The following PLA2G7 variants were observed in gnomAD, a reference collection of about 807,000 sequenced individuals.
The protein encoded by PLA2G7 is phospholipase A2 group VII.
PLA2G7 carries 63 observed loss-of-function variants against 49.6 expected under a neutral mutation model. That is an observed-to-expected ratio of 1.27 (90% CI 1.04 to 1.57). The LOEUF is 1.57. Among genes scored for constraint, PLA2G7 ranks in the 40% most tolerant of loss-of-function variants. The pLI, the probability that PLA2G7 is intolerant of heterozygous loss-of-function variation, is 0.00. For synonymous variants in PLA2G7, 193 were observed against 169.9 expected, an observed-to-expected ratio of 1.14 and a Z score of -1.06; for missense variants, 596 against 521.2, an observed-to-expected ratio of 1.14 and a Z score of -1.40.
chr6:46,711,278 A>G (rs190582380), intron 7 of PLA2G7, among the ~76,000 whole-genome samples: 7 of 152,166 alleles, frequency 4.6e-5, no homozygotes, highest in Admixed American at 3.3e-4. Flanking sequence ...ATTCACTGTC[A>G]TCTCCCAAAT....
At position 46,716,447 on chromosome 6, in the gene PLA2G7, A is replaced by C. The variant is rs775138182; in HGVS notation, c.313T>G (p.Trp105Gly). Reference protein sequence around the residue: ...TLWIPNKEYFWGLSKFLGTHW... With the variant: ...TLWIPNKEYFGGLSKFLGTHW... The stretch of plus-strand genomic sequence containing the variant: ...GTTCCAAGAAATTTGCTAAGACCCC[A>C]AAAATATTCTTTATTTGGGATCCAA... Residue 105 changes from tryptophan to glycine, a missense_variant, in exon 4 of 12, where the codon TGG becomes GGG. Trp to Gly is a radical substitution (Grantham distance 184, BLOSUM62 -2). Coordinates refer to ENST00000274793, the MANE Select transcript of PLA2G7 (RefSeq NM_005084.4). 18 of 1,613,882 alleles carry C rather than the reference A, an allele frequency of 1.1e-5. No individual in the cohort carries two copies. Among genetic ancestry groups the C allele is most frequent in the South Asian group, 8.8e-5 (8 of 91,086 alleles).
At chr6:46,713,606 C>A in intron 5 of PLA2G7, among the ~76,000 whole-genome samples, 1 of 152,196 alleles carries the variant, frequency 6.6e-6, no homozygotes, top group South Asian at 2.1e-4. Flanking sequence ...GCAAGTGCTA[C>A]CCAACTTCTT....
chr6:46,711,681 T>A, intron 6 of PLA2G7, 62 bp from the exon 7 acceptor site: 2 of 1,560,198 alleles, frequency 1.3e-6, no homozygotes, highest in Non-Finnish European at 1.8e-6. Context: ...TGACCCATGT[T>A]TCTCAGTTCC....
chr6:46,716,898 T>C lies in PLA2G7; in HGVS notation c.231+77A>G, dbSNP rs45462091. 841 of 1,459,098 alleles carry C rather than the reference T, an allele frequency of 5.8e-4. 2 individuals carry two copies. The African/African-American group carries it at 1.0e-2, about 17-fold the overall frequency. The allele number at this position is 1,459,098 out of a possible 1,614,324, so 90.4% of individuals were successfully genotyped here. A position where few individuals can be genotyped will look rare whatever the true frequency, so the allele number is the denominator to read the frequency against. On this transcript the variant is annotated intron_variant, in intron 3 of 11. Coordinates refer to ENST00000274793, the MANE Select transcript of PLA2G7 (RefSeq NM_005084.4). ...ATTCTCAGGTGAGGGCAAGGTCACA[T>C]TTGAACACCTTCTAGTGGTCCATAG...
chr6:46,709,282 TC>T, intron 9 of PLA2G7, 44 bp downstream of exon 9: 5 of 1,055,818 alleles, frequency 4.7e-6, no homozygotes, highest in Non-Finnish European at 7.4e-6. Flanking sequence ...TATAATTTCT[TC>T]CAATAATTTA....
intron 2 of PLA2G7, among the ~76,000 whole-genome samples, chr6:46,718,494 C>A (rs996370462): frequency 5.3e-5 from 8 of 152,192 alleles, no homozygotes; most frequent in African/African-American, 1.9e-4. Context: ...AGGCCCATTG[C>A]CTCATACTCT....
In PLA2G7 at chr6:46,704,432, A is replaced by G; in HGVS notation, c.*128T>C. On this transcript the variant is annotated 3_prime_UTR_variant, in exon 12 of 12. Transcript: ENST00000274793. ...TAAAATATGAGTCCTTTGGGAAAAT[A>G]CATTAAAATTCTCTCTCTCTCTCTC... 1.4e-6 allele frequency: 1 copy of G among 704,176 alleles called. No individual in the cohort carries two copies. The allele number at this position is 704,176 out of a possible 1,614,324, so 43.6% of individuals were successfully genotyped here.
rs572427157 is a variant in PLA2G7 at position 46,709,270 on chromosome 6, A to C, written c.869+57T>G. ...ATTTGAATAAAAAATTATATCTCAC[A>C]ATATAATTTCTTCCAATAATTTACT... On this transcript the variant is annotated intron_variant, in intron 9 of 11. Coordinates refer to ENST00000274793, the MANE Select transcript of PLA2G7 (RefSeq NM_005084.4). The C allele has an allele frequency of 5.7e-5, 56 of 976,302 alleles. No homozygotes were observed. In the East Asian group the frequency reaches 1.3e-3, roughly 24 times the overall value. The allele number at this position is 976,302 out of a possible 1,614,324, so 60.5% of individuals were successfully genotyped here.
At chr6:46,708,302 A>C in intron 9 of PLA2G7, 141 bp from the exon 10 acceptor site, 1 of 723,894 alleles carries the variant, frequency 1.4e-6, no homozygotes, top group Non-Finnish European at 2.5e-6. Context: ...AAGAGGTATC[A>C]TACTTCAATG....
Position 46,709,426 on chromosome 6 carries a change from A to G in PLA2G7, c.778-8T>C, listed in dbSNP as rs752306664. 1.4e-6 allele frequency: 2 copies of G among 1,441,130 alleles called. No individual in the cohort carries two copies. Among genetic ancestry groups the G allele is most frequent in the Non-Finnish European group, 9.8e-7 (1 of 1,022,794 alleles). The allele number at this position is 1,441,130 out of a possible 1,614,324, so 89.3% of individuals were successfully genotyped here. ...TTCCCTATCAATAGAGTCCTATTTG[A>G]AAAAGCATGATATAAATTTATAGCT... On this transcript the variant is annotated splice_region_variant and splice_polypyrimidine_tract_variant and intron_variant, in intron 8 of 11. Coordinates refer to ENST00000274793, the MANE Select transcript of PLA2G7 (RefSeq NM_005084.4).
chr6:46,707,408 T>G (rs1025313798), intron 10 of PLA2G7, among the ~76,000 whole-genome samples: 1 of 152,218 alleles, frequency 6.6e-6, no homozygotes, highest in Admixed American at 6.5e-5. Flanking sequence ...CATGTCAAAT[T>G]GGAATCCCCA....
intron 2 of PLA2G7, among the ~76,000 whole-genome samples, chr6:46,720,097 C>G (rs1160141958): frequency 6.6e-6 from 1 of 152,168 alleles, no homozygotes; most frequent in Non-Finnish European, 1.5e-5. Flanking sequence ...TGGTAAGCAG[C>G]CTGGTGCTAC....
At chr6:46,714,714 C>A (rs892673157) in intron 4 of PLA2G7, among the ~76,000 whole-genome samples, 161 bp from the exon 5 acceptor site, 2 of 146,466 alleles carry the variant, frequency 1.4e-5, no homozygotes, top group African/African-American at 2.6e-5. Flanking sequence ...AGATACCCAC[C>A]AACCAAAGAG....
chr6:46,713,888 C>G lies in PLA2G7; in HGVS notation c.470+572G>C, dbSNP rs45492493. ...GCACAGCATGGGTACTAACATTAGC[C>G]CATTCCTATGAGATACAGGACTCTT... On this transcript the variant is annotated intron_variant, in intron 5 of 11. Transcript: ENST00000274793. Among the ~76,000 whole-genome samples, 436 of 152,278 alleles carry G rather than the reference C, an allele frequency of 2.9e-3. 1 individual carries two copies. The highest frequency in any genetic ancestry group is 0.01 in the African/African-American group (418 of 41,536).
At chr6:46,726,374 C>T (rs904426376) in intron 1 of PLA2G7, among the ~76,000 whole-genome samples, 2 of 152,194 alleles carry the variant, frequency 1.3e-5, no homozygotes, top group Non-Finnish European at 2.9e-5. Context: ...TGAATATGAA[C>T]ACACAGGAAT....
In PLA2G7 at chr6:46,704,478, TCACA is replaced by T. The variant is rs367858800; in HGVS notation, c.*78_*81del. ...CTCTCTCTCTCTCTCTCTCTCTCTCTCACACACACACACACACACACACACACAC... is the reference window on the plus strand; with the variant it reads ...CTCTCTCTCTCTCTCTCTCTCTCTCTCACACACACACACACACACACACAC... On this transcript the variant is annotated 3_prime_UTR_variant, in exon 12 of 12. Transcript: ENST00000274793. The T allele has an allele frequency of 0.017, 1,510 of 87,504 alleles. 96 individuals carry two copies. Among genetic ancestry groups the T allele is most frequent in the Admixed American group, 0.044 (369 of 8,464 alleles). The allele number at this position is 87,504 out of a possible 1,614,324, so 5.4% of individuals were successfully genotyped here.
At chr6:46,712,364 A>T in intron 5 of PLA2G7, 27 bp from the exon 6 acceptor site, 1 of 1,535,150 alleles carries the variant, frequency 6.5e-7, no homozygotes, top group Non-Finnish European at 9.0e-7. Flanking sequence ...GGGAAGAATT[A>T]CAACTACCAG....
chr6:46,726,194 G>A (rs1765569325), intron 1 of PLA2G7, among the ~76,000 whole-genome samples: 1 of 152,192 alleles, frequency 6.6e-6, no homozygotes, highest in Non-Finnish European at 1.5e-5. Flanking sequence ...GCCTTGGGCA[G>A]GTGAAAGGAA....
intron 10 of PLA2G7, 25 bp downstream of exon 10, chr6:46,707,966 A>G (rs1178299623): frequency 7.0e-7 from 1 of 1,429,878 alleles, no homozygotes; most frequent in Admixed American, 1.7e-5. Flanking sequence ...TGTTTCACAT[A>G]ATGAAATAAG....
Sources: gnomAD v4.1 joint callset for allele counts (sites outside exome capture counted in the v4.1 genomes callset) on GRCh38, gnomAD v4.1.1 for gene constraint, MANE v1.5 for transcripts, NCBI Gene and HGNC (gene_info 2026-07-23, HGNC 2026-07-21) for gene names.